Variants in LAMA5 observed in about 807,000 individuals in gnomAD.
LAMA5 encodes laminin subunit alpha-5.
LAMA5 carries 260 observed loss-of-function variants against 433.4 expected under a neutral mutation model. That is an observed-to-expected ratio of 0.60 (90% CI 0.54 to 0.66). The LOEUF (loss-of-function observed/expected upper bound fraction) is 0.66. Ranked by LOEUF, LAMA5 falls within the 30% of genes least tolerant of loss-of-function variation. The pLI, the probability that LAMA5 is intolerant of heterozygous loss-of-function variation, is 0.00. For missense variants in LAMA5, 5,378 were observed against 5,258.5 expected (o/e 1.02, Z -0.70); for synonymous variants, 2,620 against 2,226.6 (o/e 1.18, Z -4.97).
chr20:62,335,505 A>G (rs1178984013), intron 18 of LAMA5, among the ~76,000 whole-genome samples: 4 of 79,146 alleles, frequency 5.1e-5, no homozygotes, highest in African/African-American at 1.0e-4. Context: ...CCAGCCCCCC[A>G]AGGAAATCCC....
chr20:62,332,110 G>GGAGGTGGCTGCCCTGGGGC (rs1980575490), intron 28 of LAMA5, among the ~76,000 whole-genome samples: 1 of 152,168 alleles, frequency 6.6e-6, no homozygotes, highest in Non-Finnish European at 1.5e-5. Flanking sequence ...GTCTGTGCCA[G>GGAGGTGGCTGCCCTGGGGC]GAGGTGGCTG....
intron 11 of LAMA5, among the ~76,000 whole-genome samples, chr20:62,341,486 C>G (rs1414957971): frequency 1.3e-5 from 2 of 152,216 alleles, no homozygotes; most frequent in Non-Finnish European, 2.9e-5. Context: ...GCATCCCTAG[C>G]CTCTACCCAC....
intron 51 of LAMA5, chr20:62,319,255 C>A: frequency 1.8e-6 from 1 of 557,446 alleles, no homozygotes; most frequent in Non-Finnish European, 3.2e-6. Flanking sequence ...AGCTTCTGAG[C>A]CTTCTCGTCC....
chr20:62,310,523 C>T lies in LAMA5; in HGVS notation c.10496G>A (p.Arg3499Lys). 1 of 1,553,246 alleles carries T rather than the reference C, an allele frequency of 6.4e-7. No individual in the cohort carries two copies. ...GCVKRLRLHG[R>K]PLGAPTRMAG... Reference sequence around the variant, plus strand: ...CATCCGTGTGGGGGCCCCCAGGGGCCTCCCGTGCAGCCTCAGTCTCTTCAC... The same window carrying T: ...CATCCGTGTGGGGGCCCCCAGGGGCTTCCCGTGCAGCCTCAGTCTCTTCAC... The change falls in exon 76 of 80, where the codon AGG (arginine) becomes AAG (lysine). Residue 3499 changes from arginine to lysine, a missense_variant. Transcript: ENST00000252999.
At chr20:62,351,677 C>CGGGGCCTCACCTGAAT (rs373759191) in intron 6 of LAMA5, 27 bp downstream of exon 6, 54 of 1,600,954 alleles carry the variant, frequency 3.4e-5, no homozygotes, top group Non-Finnish European at 3.7e-5. Context: ...CTCACCTGAA[C>CGGGGCCTCACCTGAAT]GGGGCCTCAC....
At chr20:62,331,192 G>C in intron 28 of LAMA5, 63 bp from the exon 29 acceptor site, 1 of 786,780 alleles carries the variant, frequency 1.3e-6, no homozygotes, top group Non-Finnish European at 1.8e-6. Context: ...GGGTGCAGGC[G>C]GTACGATGGG....
chr20:62,311,001 G>A lies in LAMA5; in HGVS notation c.10182C>T (p.Leu3394=), dbSNP rs1216060815. 6.2e-7 allele frequency: 1 copy of A among 1,610,672 alleles called. No homozygotes were observed. The highest frequency in any genetic ancestry group is 8.5e-7 in the Non-Finnish European group (1 of 1,179,000). Residue 3394 remains leucine (L), a synonymous_variant, in exon 74 of 80, where the codon CTC becomes CTT. Transcript: ENST00000252999. ...RLRPGSPSLA[L]FLSNGHFVAQ... is the part of the protein sequence containing the mutation. ...CAACGAAGTGGCCATTGCTCAGGAA[G>A]AGCGCCAGGGAGGGGCTGCCGGGCC... is the stretch of plus-strand genomic sequence containing the variant.
chr20:62,309,607 A>AGGGGGGTG, intron 79 of LAMA5, 109 bp downstream of exon 79: 1 of 340,062 alleles, frequency 2.9e-6, no homozygotes, highest in Non-Finnish European at 4.7e-6. Flanking sequence ...GGGGGGTGGG[A>AGGGGGGTG]GGAGGGTGGG....
At chr20:62,320,317 T>C (rs1408489168) in intron 50 of LAMA5, among the ~76,000 whole-genome samples, 5 of 22,154 alleles carry the variant, frequency 2.3e-4, no homozygotes, top group African/African-American at 3.8e-4. Flanking sequence ...AAACTGTGTC[T>C]CAAAAAAAAA....
chr20:62,344,791 T>TAA (rs200048179), intron 11 of LAMA5, among the ~76,000 whole-genome samples: 2 of 145,004 alleles, frequency 1.4e-5, no homozygotes, highest in South Asian at 2.2e-4. Flanking sequence ...ACAGCATAAT[T>TAA]AAAAAAAAAA....
At chr20:62,364,128 G>A (rs571427524) in intron 1 of LAMA5, among the ~76,000 whole-genome samples, 2 of 152,316 alleles carry the variant, frequency 1.3e-5, no homozygotes, top group South Asian at 4.1e-4. Flanking sequence ...GATGGGGCTA[G>A]AGCAACTGAA....
chr20:62,331,820 A>G (rs1372920219), intron 28 of LAMA5, among the ~76,000 whole-genome samples: 1 of 152,210 alleles, frequency 6.6e-6, no homozygotes, highest in Non-Finnish European at 1.5e-5. Flanking sequence ...GGGAGGCCCA[A>G]GAGGGCGGAT....
chr20:62,364,241 T>G (rs1986474040), intron 1 of LAMA5, among the ~76,000 whole-genome samples: 1 of 152,092 alleles, frequency 6.6e-6, no homozygotes, highest in African/African-American at 2.4e-5. Context: ...CGCACACAGG[T>G]CCTGCTCAGG....
intron 57 of LAMA5, chr20:62,316,377 C>T (rs912791698): frequency 1.0e-4 from 54 of 538,964 alleles, no homozygotes; most frequent in Non-Finnish European, 1.6e-4. Flanking sequence ...ACGCGTGTAG[C>T]CCTCGGGTCA....
intron 5 of LAMA5, 26 bp from the exon 6 acceptor site, chr20:62,351,827 C>A: frequency 6.3e-7 from 1 of 1,587,436 alleles, no homozygotes; most frequent in Non-Finnish European, 8.6e-7. Context: ...CCGTGAGCAC[C>A]AGGCGGCCAG....
At position 62,324,155 on chromosome 20, in the gene LAMA5, C is replaced by T; in HGVS notation, c.5693G>A (p.Gly1898Asp). 1 of 1,556,170 alleles carries T rather than the reference C, an allele frequency of 6.4e-7. No individual in the cohort carries two copies. Among genetic ancestry groups the T allele is most frequent in the Non-Finnish European group, 8.6e-7 (1 of 1,159,908 alleles). ...GGGGTCGTCCCTGCTGCTCACGAAG[C>T]CAGCCTGGCAGCGCTCACAGTGGGC... ...EGAHCERCQA[G>D]FVSSRDDPSA... Residue 1898 changes from glycine to aspartate, a missense_variant, in exon 43 of 80, where the codon GGC becomes GAC. Transcript: ENST00000252999. The surrounding 1 kb of genome is among the most constrained non-coding windows in gnomAD (Gnocchi z 4.4).
At position 62,314,928 on chromosome 20, in the gene LAMA5, C is replaced by T. The variant is rs372006032; in HGVS notation, c.8067G>A (p.Thr2689=). ...TCAGCTTGGCCAGCAGCTGGGGCAG[C>T]GTCTTCTCCAGGGTGGACACTGCAG... ...AGHSVSTLEK[T]LPQLLAKLSI... is the part of the protein sequence containing the mutation. Residue 2689 remains threonine (T), a synonymous_variant, in exon 60 of 80, where the codon ACG becomes ACA. Coordinates refer to ENST00000252999, the MANE Select transcript of LAMA5 (RefSeq NM_005560.6). The T allele has an allele frequency of 3.2e-5, 52 of 1,604,182 alleles. No homozygotes were observed. In the East Asian group the frequency reaches 6.2e-4, roughly 19 times the overall value.
At chr20:62,336,523 A>T in intron 17 of LAMA5, 78 bp from the exon 18 acceptor site, 4 of 1,358,052 alleles carry the variant, frequency 2.9e-6, no homozygotes, top group Non-Finnish European at 4.1e-6. Context: ...TAGAGCCCTG[A>T]CAAGGGGTGG....
At position 62,333,974 on chromosome 20, in the gene LAMA5, G is replaced by A; in HGVS notation, c.2805C>T (p.Val935=). Residue 935 remains valine, a synonymous_variant, in exon 23 of 80, where the codon GTC becomes GTT. Transcript: ENST00000252999. ...CGCTCACACTCATGGCCCCCCGGTT[G>A]ACGTATCGGAAGACGAGCCAGAAAA... ...PDLFWLVFRY[V]NRGAMSVSGR... is the part of the protein sequence containing the mutation. 1 of 1,612,926 alleles carries A rather than the reference G, an allele frequency of 6.2e-7. No individual in the cohort carries two copies. Among genetic ancestry groups the A allele is most frequent in the Non-Finnish European group, 8.5e-7 (1 of 1,179,874 alleles).
Sources: gnomAD v4.1 joint callset for allele counts (sites outside exome capture counted in the v4.1 genomes callset) on GRCh38, gnomAD v4.1.1 for gene constraint, Gnocchi (gnomAD v3.1) non-coding constraint, MANE v1.5 for transcripts, NCBI Gene and HGNC (gene_info 2026-07-23, HGNC 2026-07-21) for gene names.